The following PLCL2 variants were observed in gnomAD, a reference collection of about 807,000 sequenced individuals.
The protein encoded by PLCL2 is phospholipase C like 2.
A neutral mutation model predicts 79.6 loss-of-function variants in PLCL2; 4 were observed. The observed-to-expected ratio is 0.05, with a 90% CI of 0.02 to 0.11. The LOEUF (loss-of-function observed/expected upper bound fraction) is 0.11. Among genes scored for constraint, PLCL2 ranks in the 10% least tolerant of loss-of-function variants. PLCL2 has a pLI of 1.00. For missense variants in PLCL2, 895 were observed against 1,291.0 expected (o/e 0.69, Z 4.70); for synonymous variants, 484 against 457.7 (o/e 1.06, Z -0.73).
chr3:16,925,506 C>T (rs7629676), intron 1 of PLCL2, among the ~76,000 whole-genome samples: 63,395 of 151,982 alleles, frequency 0.42, 13,350 homozygotes, highest in East Asian at 0.6. Flanking sequence ...TTGCAGAACA[C>T]TTTCATGTCT....
intron 3 of PLCL2, among the ~76,000 whole-genome samples, chr3:17,034,161 C>T (rs2064616502): frequency 6.6e-6 from 1 of 152,176 alleles, no homozygotes; most frequent in South Asian, 2.1e-4. Context: ...ACACCAGGTA[C>T]ACCAGTTTCC....
intron 1 of PLCL2, among the ~76,000 whole-genome samples, chr3:16,981,271 A>G (rs1258768858): frequency 6.6e-6 from 1 of 152,276 alleles, no homozygotes; most frequent in South Asian, 2.1e-4. Context: ...AAGCAAGTAC[A>G]TTTTCCCCCA....
rs575769641 is a variant in PLCL2, at chr3:17,009,087, C to T, written c.328-587C>T. 3.2e-4 allele frequency among the ~76,000 whole-genome samples: 49 copies of T among 151,948 alleles called. No homozygotes were observed. The highest frequency in any genetic ancestry group is 2.7e-3 in the East Asian group (14 of 5,150). On this transcript the variant is annotated intron_variant, in intron 1 of 5. Transcript: ENST00000615277. The surrounding 1 kb of genome is among the most constrained non-coding windows in gnomAD (Gnocchi z 4.0). ...GCAACCTTTGCCTCACGGATTCAAA[C>T]GATTCTCCTGCCTCAGCCTCCCGAG...
intron 1 of PLCL2, among the ~76,000 whole-genome samples, chr3:16,908,985 CTTCT>C (rs1051035964): frequency 6.6e-6 from 1 of 152,096 alleles, no homozygotes; most frequent in Non-Finnish European, 1.5e-5. Flanking sequence ...ATGCTTCAGC[CTTCT>C]TTCTATTTTT....
Position 17,090,276 on chromosome 3 carries a change from T to TTAC in PLCL2, c.*364_*365insTAC. The TTAC allele has an allele frequency of 1.0e-6, 1 of 983,020 alleles. No homozygotes were observed. Among genetic ancestry groups the TTAC allele is most frequent in the Non-Finnish European group, 1.2e-6 (1 of 826,588 alleles). The allele number at this position is 983,020 out of a possible 1,614,324, so 60.9% of individuals were successfully genotyped here. On this transcript the variant is annotated 3_prime_UTR_variant, in exon 6 of 6. Transcript: ENST00000615277. ...ATTGGATTGTCAAATTATTATTTAT[T>TTAC]GGAGAAAAAAACCTGATCTACACAT...
chr3:17,085,595 G>GC (rs969603467), intron 5 of PLCL2, among the ~76,000 whole-genome samples: 1 of 151,892 alleles, frequency 6.6e-6, no homozygotes, highest in African/African-American at 2.4e-5. Context: ...GACTACAGGC[G>GC]CCCGCCACCA....
chr3:16,910,977 G>A (rs994896569), intron 1 of PLCL2, among the ~76,000 whole-genome samples: 1 of 152,160 alleles, frequency 6.6e-6, no homozygotes, highest in Admixed American at 6.5e-5. Context: ...AATGGGGCCA[G>A]GCACGGTGGC....
intron 1 of PLCL2, among the ~76,000 whole-genome samples, chr3:16,911,960 T>C (rs1696892218): frequency 6.6e-6 from 1 of 152,222 alleles, no homozygotes. Context: ...AGGCTATATG[T>C]ATAAGATGTA....
intron 1 of PLCL2, among the ~76,000 whole-genome samples, chr3:16,980,464 C>T (rs1411139574): frequency 2.7e-5 from 4 of 146,424 alleles, no homozygotes; most frequent in Admixed American, 6.7e-5. Context: ...TCAGACGGGG[C>T]GGCCGGGCAG....
chr3:16,996,919 T>G (rs1227576577), intron 1 of PLCL2, among the ~76,000 whole-genome samples: 1 of 152,202 alleles, frequency 6.6e-6, no homozygotes, highest in Admixed American at 6.5e-5. Context: ...CAACTTTGTC[T>G]TCATACTATT....
At chr3:17,007,280 C>T (rs1277891070) in intron 1 of PLCL2, among the ~76,000 whole-genome samples, 8 of 152,088 alleles carry the variant, frequency 5.3e-5, no homozygotes, top group South Asian at 2.1e-4. Flanking sequence ...GGTGAAACCC[C>T]GTCTCTACTG....
Position 17,071,825 on chromosome 3 carries a change from CT to C in PLCL2, c.3204+3772del, listed in dbSNP as rs553937893. ...ATAAGTTATGTCAGCAGACATAATTCTTTTTTTTTTTTCTTTTTTGAGATGG... is the reference window on the plus strand; with the variant it reads ...ATAAGTTATGTCAGCAGACATAATTCTTTTTTTTTTTCTTTTTTGAGATGG... On this transcript the variant is annotated intron_variant, in intron 5 of 5. Coordinates refer to ENST00000615277, the MANE Select transcript of PLCL2 (RefSeq NM_001144382.2). Among the ~76,000 whole-genome samples, 585 of 146,090 alleles carry C rather than the reference CT, an allele frequency of 4.0e-3. 3 individuals are homozygous for C. Among genetic ancestry groups the C allele is most frequent in the Middle Eastern group, 7.2e-3 (2 of 278 alleles).
At chr3:16,972,370 T>A (rs114357275) in intron 1 of PLCL2, among the ~76,000 whole-genome samples, 1,790 of 152,300 alleles carry the variant, frequency 0.012, 25 homozygotes, top group Non-Finnish European at 0.013. Context: ...GTTGGTATGA[T>A]TTTGGCTTTT....
At chr3:16,960,312 G>A (rs1044255014) in intron 1 of PLCL2, among the ~76,000 whole-genome samples, 20 of 152,104 alleles carry the variant, frequency 1.3e-4, no homozygotes, top group African/African-American at 4.3e-4. Flanking sequence ...GCACAGTGCC[G>A]CCACACTGGT....
At chr3:16,983,227 C>A (rs62246035) in intron 1 of PLCL2, among the ~76,000 whole-genome samples, 26,296 of 143,044 alleles carry the variant, frequency 0.18, 2,579 homozygotes, top group Non-Finnish European at 0.21. Flanking sequence ...TTCAGCAGTC[C>A]CTAACTAATC....
At chr3:16,985,264 A>C (rs2064037754) in intron 1 of PLCL2, among the ~76,000 whole-genome samples, 1 of 152,074 alleles carries the variant, frequency 6.6e-6, no homozygotes, top group African/African-American at 2.4e-5. Flanking sequence ...ATTAGCTTCT[A>C]ATTACATTGT....
rs766663045 is a variant in PLCL2 at position 17,054,652 on chromosome 3, G to T, written c.3094+11703G>T. Among the ~76,000 whole-genome samples, 27 of 151,996 alleles carry T rather than the reference G, an allele frequency of 1.8e-4. 1 individual carries two copies. Among genetic ancestry groups the T allele is most frequent in the Admixed American group, 1.0e-3 (16 of 15,262 alleles). ...TGAGAACTTACTATATACTACCAAGGGGGGATGGTGCTAAACCATTTATGA... is the reference window on the plus strand; with the variant it reads ...TGAGAACTTACTATATACTACCAAGTGGGGATGGTGCTAAACCATTTATGA... On this transcript the variant is annotated intron_variant, in intron 4 of 5. Transcript: ENST00000615277.
intron 1 of PLCL2, among the ~76,000 whole-genome samples, chr3:16,931,055 G>A (rs1318554600): frequency 6.6e-6 from 1 of 151,924 alleles, no homozygotes; most frequent in Non-Finnish European, 1.5e-5. Context: ...CTGCTGGCCA[G>A]TTCCCATTCC....
At chr3:16,982,007 G>T (rs1342329653) in intron 1 of PLCL2, among the ~76,000 whole-genome samples, 1 of 152,092 alleles carries the variant, frequency 6.6e-6, no homozygotes, top group African/African-American at 2.4e-5. Flanking sequence ...TTTGTAAGTA[G>T]GCTGGGTACA....
Sources: gnomAD v4.1 joint callset for allele counts (sites outside exome capture counted in the v4.1 genomes callset) on GRCh38, gnomAD v4.1.1 for gene constraint, Gnocchi (gnomAD v3.1) non-coding constraint, MANE v1.5 for transcripts, NCBI Gene and HGNC (gene_info 2026-07-23, HGNC 2026-07-21) for gene names.